Variants in PCDHGB1 observed in about 807,000 individuals in gnomAD.
The protein encoded by PCDHGB1 is protocadherin gamma-B1.
Under a neutral mutation model 56.6 loss-of-function variants are expected in PCDHGB1, and 34 were observed. That is an observed-to-expected ratio of 0.60 (90% CI 0.46 to 0.80). The LOEUF (loss-of-function observed/expected upper bound fraction) is 0.80, where lower values mean the gene tolerates loss of function less well. Ranked by LOEUF, PCDHGB1 falls within the 30% of genes least tolerant of loss-of-function variation. The pLI, the probability that PCDHGB1 is intolerant of heterozygous loss-of-function variation, is 0.00. For missense variants in PCDHGB1, 1,278 were observed against 1,204.6 expected (o/e 1.06, Z -0.90); for synonymous variants, 561 against 505.9 (o/e 1.11, Z -1.46).
At chr5:141,384,078 A>G in intron 1 of PCDHGB1, 1 of 1,598,728 alleles carries the variant, frequency 6.3e-7, no homozygotes. Context: ...TACCTTTTAA[A>G]TTAGAAAAAT....
intron 1 of PCDHGB1, among the ~76,000 whole-genome samples, chr5:141,362,956 G>A (rs1040793401): frequency 1.3e-5 from 2 of 152,180 alleles, no homozygotes; most frequent in Middle Eastern, 3.2e-3. Flanking sequence ...TTTGGAAATT[G>A]GGAAACAAAG....
intron 1 of PCDHGB1, among the ~76,000 whole-genome samples, chr5:141,448,712 G>A (rs1439461223): frequency 1.3e-5 from 2 of 152,004 alleles, no homozygotes; most frequent in African/African-American, 2.4e-5. Flanking sequence ...AGGCCGAGGC[G>A]GGAGGATCAC....
intron 1 of PCDHGB1, chr5:141,371,812 A>G: frequency 6.2e-7 from 1 of 1,613,904 alleles, no homozygotes; most frequent in Non-Finnish European, 8.5e-7. Flanking sequence ...TCCATTGCGC[A>G]TGTCAGAGCC....
At chr5:141,475,571 G>A (rs1426547386) in intron 1 of PCDHGB1, among the ~76,000 whole-genome samples, 1 of 152,212 alleles carries the variant, frequency 6.6e-6, no homozygotes, top group East Asian at 1.9e-4. Context: ...CTTCCAACAA[G>A]CCAGATTTGT....
intron 1 of PCDHGB1, chr5:141,364,730 C>A: frequency 1.9e-6 from 3 of 1,613,838 alleles, no homozygotes; most frequent in South Asian, 1.1e-5. Flanking sequence ...CCCGCGTTTC[C>A]GGGATGAAGA....
intron 1 of PCDHGB1, among the ~76,000 whole-genome samples, chr5:141,468,193 C>T (rs2099159672): frequency 6.6e-6 from 1 of 151,600 alleles, no homozygotes; most frequent in Non-Finnish European, 1.5e-5. Flanking sequence ...GGCATGGTGG[C>T]GGGTGCCTGT....
At position 141,491,458 on chromosome 5, in the gene PCDHGB1, G is replaced by T. The variant is rs867069360; in HGVS notation, c.2410-3349G>T. 1.9e-6 allele frequency: 3 copies of T among 1,613,974 alleles called. No homozygotes were observed. The highest frequency in any genetic ancestry group is 1.6e-4 in the Middle Eastern group (1 of 6,084). On this transcript the variant is annotated intron_variant, in intron 1 of 3. Coordinates refer to ENST00000523390, the MANE Select transcript of PCDHGB1 (RefSeq NM_018922.3). This position sits in a 1 kb window ranked among gnomAD's most constrained non-coding sequence, Gnocchi z 6.9. ...CAGGCGCCAGGACTCACCCTCCCCGGACTTCTATAAGCAGTCCAGCCCCAA... is the reference window on the plus strand; with the variant it reads ...CAGGCGCCAGGACTCACCCTCCCCGTACTTCTATAAGCAGTCCAGCCCCAA...
At chr5:141,382,585 A>C (rs543954739) in intron 1 of PCDHGB1, among the ~76,000 whole-genome samples, 8 of 152,250 alleles carry the variant, frequency 5.3e-5, no homozygotes, top group Non-Finnish European at 1.0e-4. Context: ...GGAAATTTTG[A>C]AAGATGAAAC....
At chr5:141,361,005 CT>C (rs1761838030) in intron 1 of PCDHGB1, 1 of 1,613,186 alleles carries the variant, frequency 6.2e-7, no homozygotes, top group East Asian at 2.2e-5. Context: ...AAGTGAAACA[CT>C]TTTTCAACTT....
intron 1 of PCDHGB1, chr5:141,421,420 G>A: frequency 6.2e-7 from 1 of 1,614,084 alleles, no homozygotes; most frequent in Admixed American, 1.7e-5. Context: ...GAAGCGCGGA[G>A]TCCGCATCGT....
chr5:141,399,427 G>A (rs1049477252), intron 1 of PCDHGB1: 2 of 1,613,842 alleles, frequency 1.2e-6, no homozygotes, highest in African/African-American at 2.7e-5. Context: ...CAGCATAAGC[G>A]TCATCCTACA....
chr5:141,497,032 T>C (rs1206131945), intron 2 of PCDHGB1, among the ~76,000 whole-genome samples: 1 of 151,652 alleles, frequency 6.6e-6, no homozygotes, highest in East Asian at 1.9e-4. Flanking sequence ...CGATTAAAAA[T>C]ACAAAAATTA....
In PCDHGB1 at chr5:141,490,410, T is replaced by C. The variant is rs2099699827; in HGVS notation, c.2410-4397T>C. ...ATGGTGAAGTGAGCCTTGATATCTC[T>C]CCGGACCTGCCATTTCAGATTAAGC... On this transcript the variant is annotated intron_variant, in intron 1 of 3. Coordinates refer to ENST00000523390, the MANE Select transcript of PCDHGB1 (RefSeq NM_018922.3). The surrounding 1 kb of genome is among the most constrained non-coding windows in gnomAD (Gnocchi z 5.4). 1 of 1,614,172 alleles carries C rather than the reference T, an allele frequency of 6.2e-7. No individual in the cohort carries two copies. Among genetic ancestry groups the C allele is most frequent in the Non-Finnish European group, 8.5e-7 (1 of 1,180,042 alleles).
At position 141,351,852 on chromosome 5, in the gene PCDHGB1, G is replaced by A. The variant is rs1234964574; in HGVS notation, c.1592G>A (p.Arg531Lys). The A allele has an allele frequency of 1.9e-6, 3 of 1,613,262 alleles. No individual in the cohort carries two copies. The highest frequency in any genetic ancestry group is 8.5e-7 in the Non-Finnish European group (1 of 1,179,772). ...GCCTTCGAGCTCACACTGCAGGCCA[G>A]GGACCAGGGCTCCCCCGCGCTCAGC... The part of the protein sequence containing the change: ...LRAFELTLQA[R>K]DQGSPALSAN... Residue 531 changes from arginine (R) to lysine (K), a missense_variant, in exon 1 of 4, where the codon AGG (arginine) becomes AAG (lysine). Transcript: ENST00000523390.
chr5:141,406,732 G>A (rs1190275382), intron 1 of PCDHGB1, among the ~76,000 whole-genome samples: 1 of 152,142 alleles, frequency 6.6e-6, no homozygotes, highest in Non-Finnish European at 1.5e-5. Context: ...TCTAAGACTG[G>A]ACACTGTGAA....
At chr5:141,405,018 T>C (rs1413977666) in intron 1 of PCDHGB1, 5 of 1,613,834 alleles carry the variant, frequency 3.1e-6, no homozygotes, top group African/African-American at 2.7e-5. Context: ...GCCTCAGACC[T>C]TACCCTCTAC....
chr5:141,410,687 T>A, intron 1 of PCDHGB1: 1 of 1,518,632 alleles, frequency 6.6e-7, no homozygotes, highest in Non-Finnish European at 8.8e-7. Context: ...TTAGGCATAC[T>A]ACTTTATTTT....
At chr5:141,451,812 C>T (rs974567828) in intron 1 of PCDHGB1, among the ~76,000 whole-genome samples, 1 of 149,686 alleles carries the variant, frequency 6.7e-6, no homozygotes, top group Non-Finnish European at 1.5e-5. Context: ...ACCCAGGAGG[C>T]GGAGGTTACA....
chr5:141,381,133 C>A (rs1285338974), intron 1 of PCDHGB1, among the ~76,000 whole-genome samples: 2 of 152,202 alleles, frequency 1.3e-5, no homozygotes, highest in East Asian at 1.9e-4. Context: ...TGGAGCAATG[C>A]CACCAGAAAG....
Sources: gnomAD v4.1 joint callset for allele counts (sites outside exome capture counted in the v4.1 genomes callset) on GRCh38, gnomAD v4.1.1 for gene constraint, Gnocchi (gnomAD v3.1) non-coding constraint, MANE v1.5 for transcripts, NCBI Gene and HGNC (gene_info 2026-07-23, HGNC 2026-07-21) for gene names.